Variants in EYS observed in about 807,000 individuals in gnomAD.
EYS encodes the protein EGF-like photoreceptor maintenance factor.
In EYS, 250 loss-of-function variants were observed where a neutral mutation model predicts 282.1. The observed-to-expected ratio is 0.89, with a 90% CI of 0.80 to 0.98. EYS has a LOEUF of 0.98. Among genes scored for constraint, EYS ranks in the 50% least tolerant of loss-of-function variants. The probability of loss-of-function intolerance (pLI) is 0.00; values close to 1 mark genes in which losing one functional copy is unlikely to be tolerated. For synonymous variants in EYS, 1,355 were observed against 1,282.9 expected (o/e 1.06, Z -1.20); for missense variants, 4,016 against 3,709.0 (o/e 1.08, Z -2.15).
At chr6:64,676,086 A>G (rs913951792) in intron 22 of EYS, among the ~76,000 whole-genome samples, 3 of 148,382 alleles carry the variant, frequency 2.0e-5, no homozygotes, top group African/African-American at 7.4e-5. Flanking sequence ...AGATAGAGAG[A>G]GAGAGGGAGA....
At chr6:64,552,689 C>T in intron 26 of EYS, among the ~76,000 whole-genome samples, 1 of 152,128 alleles carries the variant, frequency 6.6e-6, no homozygotes, top group Non-Finnish European at 1.5e-5. Flanking sequence ...CCGAAGCTGA[C>T]AGATCATGAG....
rs115340264 is a variant in EYS, at chr6:64,729,720, G to T, written c.3443+83658C>A. ...AATGGTAAAAACCGCAATAACTTTTGCACCAACCTAATACATGCCAATGAG... is the reference window on the plus strand; with the variant it reads ...AATGGTAAAAACCGCAATAACTTTTTCACCAACCTAATACATGCCAATGAG... On this transcript the variant is annotated intron_variant, in intron 22 of 42. Coordinates refer to ENST00000503581, the MANE Select transcript of EYS (RefSeq NM_001142800.2). Among the ~76,000 whole-genome samples, 645 of 152,050 alleles carry T rather than the reference G, an allele frequency of 4.2e-3. 5 individuals are homozygous for T. The highest frequency in any genetic ancestry group is 0.015 in the African/African-American group (627 of 41,500).
intron 32 of EYS, among the ~76,000 whole-genome samples, chr6:64,070,157 A>T (rs1247118833): frequency 6.6e-6 from 1 of 152,130 alleles, no homozygotes; most frequent in Non-Finnish European, 1.5e-5. Flanking sequence ...GTTAAAGTTT[A>T]GTTGCAGTGT....
intron 19 of EYS, among the ~76,000 whole-genome samples, chr6:64,826,812 T>G (rs901831957): frequency 6.6e-6 from 1 of 151,286 alleles, no homozygotes; most frequent in African/African-American, 2.4e-5. Context: ...TTTTGACAAG[T>G]TTTTCAAAAT....
intron 18 of EYS, among the ~76,000 whole-genome samples, chr6:64,889,903 T>C (rs1767224577): frequency 6.6e-6 from 1 of 152,060 alleles, no homozygotes; most frequent in Non-Finnish European, 1.5e-5. Flanking sequence ...CCTTAAACTC[T>C]GACCGCCGGT....
chr6:64,831,880 T>A (rs926633732), intron 19 of EYS, among the ~76,000 whole-genome samples: 1 of 151,972 alleles, frequency 6.6e-6, no homozygotes, highest in Non-Finnish European at 1.5e-5. Flanking sequence ...TACTCATTGT[T>A]TTTAGATCAT....
intron 2 of EYS, among the ~76,000 whole-genome samples, chr6:65,518,199 T>TG (rs1401137753): frequency 5.3e-5 from 8 of 152,124 alleles, no homozygotes; most frequent in African/African-American, 1.9e-4. Context: ...TATCAGTGCC[T>TG]GAGTCCTTAG....
intron 31 of EYS, among the ~76,000 whole-genome samples, chr6:64,130,745 A>G (rs1340606098): frequency 6.6e-6 from 1 of 152,216 alleles, no homozygotes; most frequent in Non-Finnish European, 1.5e-5. Context: ...AAATACAACT[A>G]AACATGGCAT....
chr6:64,953,261 A>G (rs1267499644), intron 14 of EYS, among the ~76,000 whole-genome samples: 1 of 151,722 alleles, frequency 6.6e-6, no homozygotes, highest in Non-Finnish European at 1.5e-5. Flanking sequence ...TAGATTACTG[A>G]AAATGTAGAT....
chr6:64,602,963 C>T (rs1005433964), intron 24 of EYS, among the ~76,000 whole-genome samples: 2 of 151,918 alleles, frequency 1.3e-5, no homozygotes, highest in Non-Finnish European at 2.9e-5. Flanking sequence ...CTTAGCAAGT[C>T]ACTAGAGGAA....
At chr6:65,221,240 A>G (rs1379206809) in intron 12 of EYS, among the ~76,000 whole-genome samples, 3 of 152,058 alleles carry the variant, frequency 2.0e-5, no homozygotes, top group Non-Finnish European at 2.9e-5. Context: ...CCAAATGTTA[A>G]TCACCAAGAC....
chr6:64,863,549 G>T (rs1348402537), intron 19 of EYS, among the ~76,000 whole-genome samples: 2 of 152,024 alleles, frequency 1.3e-5, no homozygotes, highest in Non-Finnish European at 2.9e-5. Context: ...TTTAAAAATC[G>T]TTCAGTTTGA....
At chr6:65,162,897 G>C (rs933351805) in intron 12 of EYS, among the ~76,000 whole-genome samples, 4 of 137,648 alleles carry the variant, frequency 2.9e-5, no homozygotes, top group Non-Finnish European at 1.6e-5. Context: ...CTGCAACAAG[G>C]CCTCCTGTTC....
intron 22 of EYS, among the ~76,000 whole-genome samples, chr6:64,730,006 A>G (rs1214355285): frequency 6.6e-6 from 1 of 152,204 alleles, no homozygotes; most frequent in Non-Finnish European, 1.5e-5. Flanking sequence ...ATATAGAAAA[A>G]TCTTAGGAAT....
At chr6:64,145,733 A>G (rs1774494659) in intron 31 of EYS, among the ~76,000 whole-genome samples, 6 of 152,182 alleles carry the variant, frequency 3.9e-5, no homozygotes, top group Admixed American at 3.9e-4. Flanking sequence ...TTACTGTATG[A>G]CTTCAGACTA....
intron 35 of EYS, among the ~76,000 whole-genome samples, chr6:63,951,406 G>A (rs142080612): frequency 8.5e-4 from 129 of 151,774 alleles, no homozygotes; most frequent in African/African-American, 2.8e-3. Flanking sequence ...TTTACACATC[G>A]AACCCTCCCT....
At chr6:64,876,802 A>G (rs1198381344) in intron 19 of EYS, among the ~76,000 whole-genome samples, 1 of 152,150 alleles carries the variant, frequency 6.6e-6, no homozygotes, top group East Asian at 1.9e-4. Flanking sequence ...GCAGAGGCCA[A>G]CACTGTGGAA....
Position 63,994,192 on chromosome 6 carries a change from G to A in EYS, c.6834+4883C>T, listed in dbSNP as rs533253309. 3.9e-5 allele frequency among the ~76,000 whole-genome samples: 6 copies of A among 151,984 alleles called. No individual in the cohort carries two copies. The South Asian group carries it at 6.2e-4, about 16-fold the overall frequency. On this transcript the variant is annotated intron_variant, in intron 34 of 42. Transcript: ENST00000503581. ...CTGAGGTACAGTCACTGAAGATGTC[G>A]TTAAATGTAAAATATTCTATTCTCA... is the stretch of plus-strand genomic sequence containing the variant.
At chr6:65,633,904 G>A (rs540350158) in intron 2 of EYS, among the ~76,000 whole-genome samples, 1 of 152,206 alleles carries the variant, frequency 6.6e-6, no homozygotes, top group East Asian at 1.9e-4. Context: ...AGGTCACATG[G>A]TCCCAAAGTC....
Sources: gnomAD v4.1 joint callset for allele counts (sites outside exome capture counted in the v4.1 genomes callset) on GRCh38, gnomAD v4.1.1 for gene constraint, MANE v1.5 for transcripts, NCBI Gene and HGNC (gene_info 2026-07-23, HGNC 2026-07-21) for gene names.